The following OR10J1 variants were observed in gnomAD, a reference collection of about 807,000 sequenced individuals.
OR10J1 encodes the protein olfactory receptor 10J1.
For missense variants in OR10J1, 474 were observed against 376.6 expected (o/e 1.26, Z -2.14); for synonymous variants, 202 against 143.8 (o/e 1.40, Z -2.89).
the OR10J1 span, among the ~76,000 whole-genome samples, chr1:159,422,118 T>C: frequency 6.6e-6 from 1 of 152,082 alleles, no homozygotes; most frequent in African/African-American, 2.4e-5. Context: ...CCAACAGTAG[T>C]GTGCTCAGGT....
the OR10J1 span, among the ~76,000 whole-genome samples, chr1:159,421,609 T>A: frequency 6.6e-6 from 1 of 152,146 alleles, no homozygotes; most frequent in African/African-American, 2.4e-5. Flanking sequence ...GTGGCTTGGA[T>A]CGTGGGTGCA....
chr1:159,403,873 G>A, the OR10J1 span, among the ~76,000 whole-genome samples: 1 of 152,048 alleles, frequency 6.6e-6, no homozygotes, highest in South Asian at 2.1e-4. Context: ...AGTGTCCATC[G>A]ATAGATGAAT....
the OR10J1 span, among the ~76,000 whole-genome samples, chr1:159,412,880 T>G: frequency 6.6e-6 from 1 of 151,576 alleles, no homozygotes; most frequent in African/African-American, 2.4e-5. Context: ...CAAAAGAAAC[T>G]ACCATCAGAG....
the OR10J1 span, among the ~76,000 whole-genome samples, chr1:159,402,369 T>A: frequency 6.6e-6 from 1 of 151,904 alleles, no homozygotes; most frequent in Admixed American, 6.6e-5. Flanking sequence ...CCTAAAGACT[T>A]CACAAGACAA....
chr1:159,422,060 T>A, the OR10J1 span, among the ~76,000 whole-genome samples: 1 of 152,116 alleles, frequency 6.6e-6, no homozygotes, highest in African/African-American at 2.4e-5. Context: ...CACATTCATG[T>A]GATGCTATCT....
chr1:159,433,788 A>G (rs1370612218), upstream of OR10J1, among the ~76,000 whole-genome samples: 1 of 152,120 alleles, frequency 6.6e-6, no homozygotes, highest in African/African-American at 2.4e-5. Flanking sequence ...ACCTATGTCT[A>G]TGGGGCAATT....
the OR10J1 span, among the ~76,000 whole-genome samples, chr1:159,425,930 G>A: frequency 6.6e-6 from 1 of 151,978 alleles, no homozygotes; most frequent in South Asian, 2.1e-4. Context: ...AGAATTATGT[G>A]TGAATAATAA....
At chr1:159,436,408 T>C (rs1333559569), upstream of OR10J1, among the ~76,000 whole-genome samples, 3 of 152,152 alleles carry the variant, frequency 2.0e-5, no homozygotes, top group Non-Finnish European at 2.9e-5. Flanking sequence ...ACAAGCCCTA[T>C]TGATTTCCCT....
chr1:159,436,275 G>C (rs778955710), upstream of OR10J1, among the ~76,000 whole-genome samples: 22 of 152,036 alleles, frequency 1.4e-4, no homozygotes, highest in Non-Finnish European at 3.2e-4. Context: ...TGCTTCATCT[G>C]TTACAAGAAG....
chr1:159,425,299 G>A, the OR10J1 span, among the ~76,000 whole-genome samples: 1 of 152,000 alleles, frequency 6.6e-6, no homozygotes, highest in Non-Finnish European at 1.5e-5. Flanking sequence ...CCAGCATTTT[G>A]GTGAGGAAAA....
chr1:159,431,422 T>C, the OR10J1 span, among the ~76,000 whole-genome samples: 1 of 152,088 alleles, frequency 6.6e-6, no homozygotes, highest in East Asian at 1.9e-4. Context: ...TTCCCAGGAG[T>C]GCGCCTCACA....
At chr1:159,439,419 G>T (rs892050178), upstream of OR10J1, among the ~76,000 whole-genome samples, 4 of 152,152 alleles carry the variant, frequency 2.6e-5, no homozygotes, top group African/African-American at 9.7e-5. Context: ...GTGTAATACG[G>T]TTTTATGAAG....
upstream of OR10J1, among the ~76,000 whole-genome samples, chr1:159,435,820 A>G (rs1174061317): frequency 2.6e-5 from 4 of 152,188 alleles, no homozygotes; most frequent in Non-Finnish European, 5.9e-5. Context: ...GCAGAACTAG[A>G]AGATTTTGCA....
the OR10J1 span, among the ~76,000 whole-genome samples, chr1:159,414,842 C>A: frequency 3.9e-5 from 6 of 152,028 alleles, no homozygotes; most frequent in African/African-American, 1.4e-4. Context: ...TGATATTAAG[C>A]ATTTTTTCAT....
the OR10J1 span, among the ~76,000 whole-genome samples, chr1:159,417,901 T>A: frequency 6.6e-6 from 1 of 152,172 alleles, no homozygotes; most frequent in Non-Finnish European, 1.5e-5. Flanking sequence ...CAGATGGAGA[T>A]GAGAAACCTG....
upstream of OR10J1, among the ~76,000 whole-genome samples, chr1:159,435,564 C>T (rs1214518245): frequency 6.6e-6 from 1 of 152,092 alleles, no homozygotes; most frequent in Non-Finnish European, 1.5e-5. Flanking sequence ...GGTTTTCATA[C>T]ACAGACAGTT....
chr1:159,440,048 T>A lies in OR10J1; in HGVS notation c.257T>A (p.Val86Glu). The change falls in exon 1 of 1, where the codon GTA becomes GAA. Residue 86 changes from valine to glutamate, a missense_variant. By Grantham distance (121) the Val-to-Glu change is moderately radical. Coordinates refer to ENST00000423932, the MANE Select transcript of OR10J1 (RefSeq NM_012351.3). ...CTCCCAAGAATGCTCTCCAGCCTCG[T>A]AGGTATGAGCCAGCCCATATCATTG... ...VILPRMLSSL[V>E]GMSQPISLAG... 1 of 1,614,128 alleles carries A rather than the reference T, an allele frequency of 6.2e-7. No individual in the cohort carries two copies. The highest frequency in any genetic ancestry group is 1.7e-5 in the Admixed American group (1 of 59,986).
the OR10J1 span, among the ~76,000 whole-genome samples, chr1:159,412,821 G>C: frequency 1.3e-5 from 2 of 151,220 alleles, no homozygotes; most frequent in Non-Finnish European, 2.9e-5. Context: ...GGCAACAAAA[G>C]ACAAAATTGA....
the OR10J1 span, among the ~76,000 whole-genome samples, chr1:159,412,516 C>T: frequency 3.4e-5 from 5 of 146,118 alleles, no homozygotes; most frequent in African/African-American, 1.3e-4. Context: ...AGAACAGAGC[C>T]CTCAGAAATA....
Sources: allele counts gnomAD v4.1 joint callset (sites outside exome capture counted in the v4.1 genomes callset), GRCh38; gene constraint gnomAD v4.1.1; transcripts MANE v1.5; gene names NCBI Gene and HGNC (gene_info 2026-07-23, HGNC 2026-07-21).